ANXA8: variants seen among roughly 807,000 people sequenced by gnomAD.
ANXA8 encodes VAC-beta.
In ANXA8, 9 loss-of-function variants were observed where a neutral mutation model predicts 26.8. The observed-to-expected ratio is 0.34, with a 90% CI of 0.20 to 0.59. The LOEUF is 0.59. ANXA8 is among the 20% of genes least tolerant of loss of function. The probability of loss-of-function intolerance (pLI) is 0.84; values close to 1 mark genes in which losing one functional copy is unlikely to be tolerated. For synonymous variants in ANXA8, 39 were observed against 94.8 expected, an observed-to-expected ratio of 0.41 and a Z score of 3.42; for missense variants, 83 against 238.5, an observed-to-expected ratio of 0.35 and a Z score of 4.29.
the ANXA8 span, among the ~76,000 whole-genome samples, chr10:47,944,904 G>T: frequency 1.0e-4 from 15 of 144,206 alleles, no homozygotes; most frequent in Admixed American, 1.1e-3. Context: ...CCTTGTACAG[G>T]TTCCTTCTCC....
the ANXA8 span, among the ~76,000 whole-genome samples, chr10:47,511,326 C>T: frequency 1.4e-5 from 2 of 142,516 alleles, no homozygotes; most frequent in South Asian, 2.2e-4. Context: ...GAATACAAGA[C>T]TAATGCATTT....
the ANXA8 span, among the ~76,000 whole-genome samples, chr10:47,552,800 A>C: frequency 1.3e-5 from 2 of 151,976 alleles, no homozygotes; most frequent in East Asian, 3.9e-4. Context: ...ATTCCGTTTA[A>C]TAAATGTTTG....
the ANXA8 span, among the ~76,000 whole-genome samples, chr10:47,575,173 C>A: frequency 9.2e-6 from 1 of 108,654 alleles, no homozygotes; most frequent in African/African-American, 4.1e-5. Context: ...CATTGCACTC[C>A]AGCCTGGGCA....
At chr10:47,658,244 T>TGTAGTCCCAACTACTCGG in the ANXA8 span, among the ~76,000 whole-genome samples, 1 of 151,466 alleles carries the variant, frequency 6.6e-6, no homozygotes, top group Non-Finnish European at 1.5e-5. Context: ...GGCACGCACC[T>TGTAGTCCCAACTACTCGG]GTAGTCCCAA....
At chr10:47,608,174 A>G in the ANXA8 span, among the ~76,000 whole-genome samples, 1 of 122,308 alleles carries the variant, frequency 8.2e-6, no homozygotes, top group Non-Finnish European at 1.6e-5. Flanking sequence ...GTACATATAC[A>G]TATATACATA....
chr10:47,551,261 C>G, the ANXA8 span, among the ~76,000 whole-genome samples: 2 of 151,592 alleles, frequency 1.3e-5, no homozygotes, highest in South Asian at 2.1e-4. Context: ...AACTTGTTTT[C>G]TTGACCTCAG....
intron 11 of ANXA8, among the ~76,000 whole-genome samples, chr10:47,469,762 T>G (rs1839261325): frequency 1.3e-5 from 2 of 151,522 alleles, no homozygotes; most frequent in Non-Finnish European, 2.9e-5. Flanking sequence ...AGACCCACTT[T>G]CCACACTCTG....
chr10:47,559,188 G>A, the ANXA8 span, among the ~76,000 whole-genome samples: 2 of 114,194 alleles, frequency 1.8e-5, no homozygotes, highest in African/African-American at 3.5e-5. Context: ...GTCTCAAACC[G>A]TCGCCCAGGC....
At chr10:47,777,268 C>T in the ANXA8 span, among the ~76,000 whole-genome samples, 4 of 151,508 alleles carry the variant, frequency 2.6e-5, no homozygotes, top group African/African-American at 7.3e-5. Context: ...CAGCTCCAAG[C>T]CTGGGACCTG....
the ANXA8 span, among the ~76,000 whole-genome samples, chr10:47,489,845 T>C: frequency 2.1e-5 from 3 of 139,830 alleles, no homozygotes; most frequent in South Asian, 2.5e-4. Flanking sequence ...TCCCTGGGCA[T>C]CCTAGATGGG....
chr10:47,894,707 C>T, the ANXA8 span, among the ~76,000 whole-genome samples: 1 of 152,324 alleles, frequency 6.6e-6, no homozygotes, highest in African/African-American at 2.4e-5. Flanking sequence ...CATACTAACA[C>T]CCCATACAGT....
the ANXA8 span, among the ~76,000 whole-genome samples, chr10:47,687,520 C>T: frequency 6.6e-6 from 1 of 151,878 alleles, no homozygotes; most frequent in Non-Finnish European, 1.5e-5. Flanking sequence ...CCGCTTCGGC[C>T]TCTCAAAGTG....
chr10:47,621,962 T>C, the ANXA8 span, among the ~76,000 whole-genome samples: 1 of 106,186 alleles, frequency 9.4e-6, no homozygotes, highest in Non-Finnish European at 2.0e-5. Context: ...GTCTATGTTA[T>C]ACAACAACAA....
At chr10:47,645,494 T>C in the ANXA8 span, among the ~76,000 whole-genome samples, 3 of 148,332 alleles carry the variant, frequency 2.0e-5, no homozygotes, top group East Asian at 5.8e-4. Context: ...TGTCCTTTAG[T>C]TAAAAATAAA....
At chr10:47,727,261 T>A in the ANXA8 span, among the ~76,000 whole-genome samples, 1 of 152,294 alleles carries the variant, frequency 6.6e-6, no homozygotes, top group Non-Finnish European at 1.5e-5. Flanking sequence ...TATGACATAA[T>A]ATATATGAAG....
chr10:47,633,560 A>T, the ANXA8 span, among the ~76,000 whole-genome samples: 2 of 105,798 alleles, frequency 1.9e-5, no homozygotes, highest in Non-Finnish European at 3.6e-5. Context: ...AAATCCTAAC[A>T]TTCTCCAACC....
the ANXA8 span, among the ~76,000 whole-genome samples, chr10:47,560,550 T>A: frequency 6.6e-6 from 1 of 151,810 alleles, no homozygotes; most frequent in Non-Finnish European, 1.5e-5. Flanking sequence ...GTAATACTTG[T>A]TATAGCAGTG....
At chr10:47,496,754 T>C in the ANXA8 span, among the ~76,000 whole-genome samples, 1 of 149,028 alleles carries the variant, frequency 6.7e-6, no homozygotes, top group African/African-American at 2.5e-5. Flanking sequence ...GTTCCTCGAT[T>C]TGGGATTGTC....
chr10:47,705,769 C>T, the ANXA8 span, among the ~76,000 whole-genome samples: 1 of 152,010 alleles, frequency 6.6e-6, no homozygotes, highest in Non-Finnish European at 1.5e-5. Context: ...GAAATGGCTA[C>T]CAGTGGACAT....
Sources: allele counts gnomAD v4.1 joint callset (sites outside exome capture counted in the v4.1 genomes callset), GRCh38; gene constraint gnomAD v4.1.1; transcripts MANE v1.5; gene names NCBI Gene and HGNC (gene_info 2026-07-23, HGNC 2026-07-21).